AK5: variants seen among roughly 807,000 people sequenced by gnomAD.
AK5 encodes adenylate kinase 5.
In AK5, 27 loss-of-function variants were observed where a neutral mutation model predicts 69.5. The ratio of observed to expected loss-of-function variants is 0.39; its 90% CI spans 0.29 to 0.54. AK5 has a LOEUF of 0.54. Among genes scored for constraint, AK5 ranks in the 20% least tolerant of loss-of-function variants. The pLI, the probability that AK5 is intolerant of heterozygous loss-of-function variation, is 0.71. For synonymous variants in AK5, 260 were observed against 244.4 expected (o/e 1.06, Z -0.60); for missense variants, 531 against 700.4 (o/e 0.76, Z 2.73).
At chr1:77,321,850 A>G (rs1004050198) in intron 5 of AK5, among the ~76,000 whole-genome samples, 2 of 152,222 alleles carry the variant, frequency 1.3e-5, no homozygotes, top group African/African-American at 4.8e-5. Flanking sequence ...TATTGTCTAT[A>G]TTGTTGAAAT....
intron 6 of AK5, among the ~76,000 whole-genome samples, chr1:77,406,033 C>T (rs535902974): frequency 6.6e-6 from 1 of 152,254 alleles, no homozygotes; most frequent in East Asian, 1.9e-4. Flanking sequence ...TGCTGCTGCC[C>T]ATCCCTCAAA....
chr1:77,525,459 G>T (rs1408720694), intron 12 of AK5, among the ~76,000 whole-genome samples: 2 of 152,214 alleles, frequency 1.3e-5, no homozygotes, highest in South Asian at 2.1e-4. Flanking sequence ...TTCTGGTGAG[G>T]CCTCAGGAAG....
At chr1:77,497,421 A>G (rs1250574175) in intron 10 of AK5, among the ~76,000 whole-genome samples, 1 of 152,206 alleles carries the variant, frequency 6.6e-6, no homozygotes, top group Non-Finnish European at 1.5e-5. Context: ...CAAACTCCGG[A>G]CACACCATCT....
At chr1:77,365,541 G>A (rs1170409143) in intron 6 of AK5, among the ~76,000 whole-genome samples, 2 of 152,230 alleles carry the variant, frequency 1.3e-5, no homozygotes, top group Non-Finnish European at 2.9e-5. Context: ...TTTCCATGGG[G>A]TTGGGGGATT....
At chr1:77,287,234 C>T in intron 2 of AK5, 107 bp downstream of exon 2, 2 of 745,998 alleles carry the variant, frequency 2.7e-6, no homozygotes, top group Non-Finnish European at 3.8e-6. Flanking sequence ...TTTATAAATG[C>T]CTGAAGTCAT....
In AK5 at chr1:77,340,509, T is replaced by G; in HGVS notation, c.832T>G (p.Phe278Val). The change falls in exon 6 of 14, where the codon TTC (phenylalanine) becomes GTC (valine). Residue 278 changes from phenylalanine to valine, a missense_variant. Coordinates refer to ENST00000354567, the MANE Select transcript of AK5 (RefSeq NM_174858.3). ...VKATQRRLMN[F>V]KQNAAPLVKY... Reference sequence around the variant, plus strand: ...AGCTACCCAAAGGAGACTAATGAACTTCAAGCAGAATGCTGCTCCATTGGT... The same window carrying G: ...AGCTACCCAAAGGAGACTAATGAACGTCAAGCAGAATGCTGCTCCATTGGT... The G allele has an allele frequency of 6.2e-7, 1 of 1,614,098 alleles. No individual in the cohort carries two copies. The highest frequency in any genetic ancestry group is 1.1e-5 in the South Asian group (1 of 91,076).
intron 5 of AK5, among the ~76,000 whole-genome samples, chr1:77,318,977 C>T (rs1002458974): frequency 2.0e-5 from 3 of 151,932 alleles, no homozygotes; most frequent in Non-Finnish European, 4.4e-5. Context: ...GTGCATAGGA[C>T]ATGAGGAAAA....
At position 77,558,886 on chromosome 1, in the gene AK5, C is replaced by A; in HGVS notation, c.*216C>A. ...TGGGACTATATCAACCTATTCTCCA[C>A]ACTTCAGACAACTGTCTGCACTCAC... On this transcript the variant is annotated 3_prime_UTR_variant, in exon 14 of 14. Coordinates refer to ENST00000354567, the MANE Select transcript of AK5 (RefSeq NM_174858.3). The A allele has an allele frequency of 1.9e-6, 1 of 516,150 alleles. No homozygotes were observed. Among genetic ancestry groups the A allele is most frequent in the Non-Finnish European group, 3.5e-6 (1 of 282,022 alleles). The allele number at this position is 516,150 out of a possible 1,614,324, so 32.0% of individuals were successfully genotyped here. A position where few individuals can be genotyped will look rare whatever the true frequency, so the allele number is the denominator to read the frequency against.
chr1:77,520,932 A>G (rs1657944430), intron 11 of AK5, among the ~76,000 whole-genome samples: 1 of 152,204 alleles, frequency 6.6e-6, no homozygotes, highest in African/African-American at 2.4e-5. Flanking sequence ...CTCCACTGGC[A>G]GCTGATTGCG....
chr1:77,396,932 G>T (rs920953556), intron 6 of AK5, among the ~76,000 whole-genome samples: 4 of 152,196 alleles, frequency 2.6e-5, no homozygotes, highest in African/African-American at 9.7e-5. Flanking sequence ...TTAATAAATG[G>T]TAACTCGTGC....
chr1:77,313,843 C>T (rs775883976), intron 5 of AK5: 7 of 533,030 alleles, frequency 1.3e-5, no homozygotes, highest in Non-Finnish European at 2.7e-5. Context: ...AGATCCTCTC[C>T]CTTACGCTGC....
At chr1:77,521,756 G>T in intron 11 of AK5, 71 bp from the exon 12 acceptor site, 1 of 1,156,726 alleles carries the variant, frequency 8.6e-7, no homozygotes. Flanking sequence ...GTGGATGACT[G>T]AAGGAGACTT....
At chr1:77,506,397 A>G (rs1042460029) in intron 10 of AK5, among the ~76,000 whole-genome samples, 7 of 151,982 alleles carry the variant, frequency 4.6e-5, no homozygotes, top group African/African-American at 1.7e-4. Context: ...AGATGGGGGT[A>G]GGGTGAAGAT....
At chr1:77,384,612 G>A (rs560329718) in intron 6 of AK5, among the ~76,000 whole-genome samples, 16 of 152,082 alleles carry the variant, frequency 1.1e-4, no homozygotes, top group African/African-American at 3.6e-4. Flanking sequence ...CTGAAACAGT[G>A]CAAAAGAAAA....
intron 10 of AK5, among the ~76,000 whole-genome samples, chr1:77,513,280 G>T (rs1657452473): frequency 6.6e-6 from 1 of 152,102 alleles, no homozygotes; most frequent in Admixed American, 6.5e-5. Context: ...CCCAGCCAGT[G>T]CTTCTGCGAT....
At chr1:77,467,381 T>C (rs1350518439) in intron 8 of AK5, among the ~76,000 whole-genome samples, 3 of 152,180 alleles carry the variant, frequency 2.0e-5, no homozygotes, top group Admixed American at 6.5e-5. Flanking sequence ...CCCACAGACT[T>C]CTGTTCTGCG....
chr1:77,463,683 T>G (rs1653975331), intron 8 of AK5, among the ~76,000 whole-genome samples: 1 of 152,160 alleles, frequency 6.6e-6, no homozygotes, highest in African/African-American at 2.4e-5. Context: ...GAAAGGTCAT[T>G]AAGAATTTCC....
intron 10 of AK5, among the ~76,000 whole-genome samples, chr1:77,504,743 TC>T (rs1457002726): frequency 6.6e-6 from 1 of 152,178 alleles, no homozygotes; most frequent in Non-Finnish European, 1.5e-5. Flanking sequence ...TCATCACTAC[TC>T]CCTGCAAGGA....
chr1:77,471,134 A>T (rs1654484138), intron 8 of AK5, among the ~76,000 whole-genome samples: 1 of 151,660 alleles, frequency 6.6e-6, no homozygotes, highest in Non-Finnish European at 1.5e-5. Context: ...CACCCGCCTC[A>T]GCCTCCCAAA....
Sources: gnomAD v4.1 joint callset for allele counts (sites outside exome capture counted in the v4.1 genomes callset) on GRCh38, gnomAD v4.1.1 for gene constraint, MANE v1.5 for transcripts, NCBI Gene and HGNC (gene_info 2026-07-23, HGNC 2026-07-21) for gene names.